LRRIQ3: variants seen among roughly 807,000 people sequenced by gnomAD.
LRRIQ3 encodes the protein leucine-rich repeat and IQ domain-containing protein 3.
In LRRIQ3, 75 loss-of-function variants were observed where a neutral mutation model predicts 59.3. The ratio of observed to expected loss-of-function variants is 1.26; its 90% CI spans 1.05 to 1.53. The LOEUF (loss-of-function observed/expected upper bound fraction) is 1.53, where lower values mean the gene tolerates loss of function less well. Ranked by LOEUF, LRRIQ3 falls within the 40% of genes most tolerant of loss-of-function variation. The probability of loss-of-function intolerance (pLI) is 0.00; values close to 1 mark genes in which losing one functional copy is unlikely to be tolerated. For missense variants in LRRIQ3, 831 were observed against 710.0 expected (o/e 1.17, Z -1.94); for synonymous variants, 250 against 231.3 (o/e 1.08, Z -0.73).
At chr1:74,180,504 T>A in intron 3 of LRRIQ3, 1 of 460,424 alleles carries the variant, frequency 2.2e-6, no homozygotes, top group Non-Finnish European at 3.8e-6. Context: ...ACCAAACTTA[T>A]CTTTTCACCA....
intron 3 of LRRIQ3, among the ~76,000 whole-genome samples, chr1:74,163,687 C>T (rs548024336): frequency 3.3e-5 from 5 of 151,482 alleles, no homozygotes; most frequent in African/African-American, 4.8e-5. Flanking sequence ...TTTTCCAGTT[C>T]GGGGCCATTA....
intron 5 of LRRIQ3, among the ~76,000 whole-genome samples, chr1:74,085,325 A>G (rs1026944527): frequency 9.3e-4 from 1 of 1,074 alleles, no homozygotes; most frequent in Admixed American, 0.042. Flanking sequence ...CATGGTGGCA[A>G]AAAAAAAAAA....
At chr1:74,183,263 C>T in intron 2 of LRRIQ3, 173 bp downstream of exon 2, 1 of 473,174 alleles carries the variant, frequency 2.1e-6, no homozygotes, top group East Asian at 3.7e-5. Context: ...TCATTTACAT[C>T]AAAGTGTCCG....
chr1:74,155,192 A>G (rs1206440206), intron 4 of LRRIQ3, among the ~76,000 whole-genome samples: 1 of 152,208 alleles, frequency 6.6e-6, no homozygotes, highest in Non-Finnish European at 1.5e-5. Flanking sequence ...TTAGTTTTTC[A>G]TATGTTTGAC....
chr1:74,031,972 G>A (rs1455097494), intron 7 of LRRIQ3, among the ~76,000 whole-genome samples: 1 of 151,692 alleles, frequency 6.6e-6, no homozygotes, highest in Non-Finnish European at 1.5e-5. Context: ...ATTGCTAAAA[G>A]AAATTTAAAA....
chr1:74,181,323 T>C (rs1213506756), intron 3 of LRRIQ3: 1 of 152,184 alleles, frequency 6.6e-6, no homozygotes, highest in Non-Finnish European at 1.5e-5. Flanking sequence ...TGATCACCTT[T>C]TAAAAACCTT....
At chr1:74,116,251 C>T (rs1355589547) in intron 4 of LRRIQ3, among the ~76,000 whole-genome samples, 3 of 152,076 alleles carry the variant, frequency 2.0e-5, no homozygotes, top group African/African-American at 7.2e-5. Flanking sequence ...GGAGCTCTTG[C>T]CCTTGCCCAC....
chr1:74,029,614 G>A (rs2100353452), intron 7 of LRRIQ3, among the ~76,000 whole-genome samples: 1 of 152,084 alleles, frequency 6.6e-6, no homozygotes, highest in South Asian at 2.1e-4. Flanking sequence ...ATTTTATTGA[G>A]GATTTTTGCA....
intron 4 of LRRIQ3, chr1:74,144,504 C>G: frequency 3.6e-6 from 1 of 279,326 alleles, no homozygotes; most frequent in Non-Finnish European, 7.1e-6. Context: ...CTTTCTTGGA[C>G]ACATCTTCAA....
chr1:74,106,840 C>A (rs1646621429), intron 5 of LRRIQ3, among the ~76,000 whole-genome samples: 1 of 151,966 alleles, frequency 6.6e-6, no homozygotes, highest in Non-Finnish European at 1.5e-5. Context: ...TAATTGAACT[C>A]CCACAGTTCT....
chr1:74,158,449 T>C (rs1163246904), intron 3 of LRRIQ3, among the ~76,000 whole-genome samples: 1 of 152,194 alleles, frequency 6.6e-6, no homozygotes, highest in Non-Finnish European at 1.5e-5. Context: ...TAATCAAACT[T>C]AAATGCTTTT....
intron 5 of LRRIQ3, among the ~76,000 whole-genome samples, chr1:74,097,505 C>T (rs1646465400): frequency 6.6e-6 from 1 of 152,116 alleles, no homozygotes; most frequent in African/African-American, 2.4e-5. Flanking sequence ...AGGAGAACTT[C>T]CCCAGCCTAG....
chr1:74,135,202 C>T (rs1447179941), intron 4 of LRRIQ3, among the ~76,000 whole-genome samples: 1 of 151,732 alleles, frequency 6.6e-6, no homozygotes, highest in Admixed American at 6.6e-5. Context: ...CAGGTACACA[C>T]AACAATTCTA....
chr1:74,171,973 CTTCTT>C (rs1339589160), intron 3 of LRRIQ3, among the ~76,000 whole-genome samples: 1 of 151,822 alleles, frequency 6.6e-6, no homozygotes, highest in Non-Finnish European at 1.5e-5. Context: ...TGTAATGTCT[CTTCTT>C]TCATTTCTGA....
At chr1:74,154,335 C>T (rs1648193410) in intron 4 of LRRIQ3, among the ~76,000 whole-genome samples, 1 of 148,534 alleles carries the variant, frequency 6.7e-6, no homozygotes, top group African/African-American at 2.5e-5. Flanking sequence ...TCTCAATTCC[C>T]ACAAATAGAA....
chr1:74,066,427 A>G (rs1001868288), intron 6 of LRRIQ3, among the ~76,000 whole-genome samples: 4 of 152,062 alleles, frequency 2.6e-5, no homozygotes, highest in Non-Finnish European at 5.9e-5. Context: ...AATTCTCAAA[A>G]AATATTATAC....
intron 6 of LRRIQ3, among the ~76,000 whole-genome samples, chr1:74,052,292 T>A (rs1179997332): frequency 6.6e-6 from 1 of 152,078 alleles, no homozygotes; most frequent in Non-Finnish European, 1.5e-5. Context: ...TGGATAGTAG[T>A]TAGGGTGAAA....
intron 6 of LRRIQ3, among the ~76,000 whole-genome samples, chr1:74,071,282 T>C (rs1166163448): frequency 6.6e-6 from 1 of 152,072 alleles, no homozygotes; most frequent in Non-Finnish European, 1.5e-5. Context: ...TCCTCCTACC[T>C]TGGCCTCCCA....
At chr1:74,118,119 C>T (rs546597814) in intron 4 of LRRIQ3, among the ~76,000 whole-genome samples, 145 of 152,072 alleles carry the variant, frequency 9.5e-4, no homozygotes, top group Middle Eastern at 3.4e-3. Flanking sequence ...ATAACATACC[C>T]TTTTTTGTAA....
Sources: allele counts gnomAD v4.1 joint callset (sites outside exome capture counted in the v4.1 genomes callset), GRCh38; gene constraint gnomAD v4.1.1; transcripts MANE v1.5; gene names NCBI Gene and HGNC (gene_info 2026-07-23, HGNC 2026-07-21).